LINGO2: variants seen among roughly 807,000 people sequenced by gnomAD.
LINGO2 encodes the protein leucine rich repeat and Ig domain containing 2.
Under a neutral mutation model 30.6 loss-of-function variants are expected in LINGO2, and 14 were observed. The ratio of observed to expected loss-of-function variants is 0.46; its 90% CI spans 0.30 to 0.72. The LOEUF (loss-of-function observed/expected upper bound fraction) is 0.72. Ranked by LOEUF, LINGO2 falls within the 30% of genes least tolerant of loss-of-function variation. The probability of loss-of-function intolerance (pLI) is 0.07; values close to 1 mark genes in which losing one functional copy is unlikely to be tolerated. For synonymous variants in LINGO2, 317 were observed against 288.5 expected, an observed-to-expected ratio of 1.10 and a Z score of -1.00; for missense variants, 729 against 751.7, an observed-to-expected ratio of 0.97 and a Z score of 0.35.
the LINGO2 span, among the ~76,000 whole-genome samples, chr9:28,840,477 T>C: frequency 6.6e-6 from 1 of 151,984 alleles, no homozygotes; most frequent in South Asian, 2.1e-4. Context: ...TTCTATGACA[T>C]AACAACATCC....
chr9:28,290,754 T>A (rs1277257764), intron 4 of LINGO2, among the ~76,000 whole-genome samples: 1 of 152,182 alleles, frequency 6.6e-6, no homozygotes, highest in Non-Finnish European at 1.5e-5. Flanking sequence ...TCTTTGATAC[T>A]TTATTTTTTT....
the LINGO2 span, among the ~76,000 whole-genome samples, chr9:29,211,623 C>T: frequency 6.6e-6 from 1 of 151,986 alleles, no homozygotes; most frequent in Non-Finnish European, 1.5e-5. Flanking sequence ...ATTTCAGCAG[C>T]TTTCCTCAGT....
intron 1 of LINGO2, among the ~76,000 whole-genome samples, chr9:28,619,198 C>A (rs1826281466): frequency 6.6e-6 from 1 of 152,104 alleles, no homozygotes. Context: ...GCATTTTAAG[C>A]TAACCTGAAT....
the LINGO2 span, among the ~76,000 whole-genome samples, chr9:28,883,628 G>GTGTATGTATATATATATATA: frequency 1.6e-5 from 1 of 64,178 alleles, no homozygotes; most frequent in East Asian, 5.1e-4. Flanking sequence ...ATGTGTGTGT[G>GTGTATGTATATATATATATA]TATATATATA....
chr9:28,273,578 G>A (rs1480371604), intron 4 of LINGO2, among the ~76,000 whole-genome samples: 2 of 152,160 alleles, frequency 1.3e-5, no homozygotes, highest in African/African-American at 4.8e-5. Context: ...CCAGGGGAAG[G>A]AGAACCCTAG....
chr9:28,978,962 A>G, the LINGO2 span, among the ~76,000 whole-genome samples: 1 of 152,234 alleles, frequency 6.6e-6, no homozygotes, highest in Admixed American at 6.5e-5. Context: ...CATTTAAATG[A>G]GGGTATAGGA....
At chr9:28,821,909 G>A in the LINGO2 span, among the ~76,000 whole-genome samples, 1 of 152,104 alleles carries the variant, frequency 6.6e-6, no homozygotes, top group Non-Finnish European at 1.5e-5. Flanking sequence ...GTTGGAGAGT[G>A]GGAGACAATG....
chr9:27,956,495 T>C (rs1258093577), intron 5 of LINGO2, among the ~76,000 whole-genome samples: 1 of 152,214 alleles, frequency 6.6e-6, no homozygotes, highest in Non-Finnish European at 1.5e-5. Context: ...TGCTCATCTA[T>C]GGTTTACCTT....
the LINGO2 span, among the ~76,000 whole-genome samples, chr9:29,044,896 T>C: frequency 3.9e-5 from 6 of 152,032 alleles, no homozygotes; most frequent in African/African-American, 1.4e-4. Context: ...ATAACAATAA[T>C]AATAAAATGG....
chr9:28,187,140 A>T (rs887731901), intron 4 of LINGO2, among the ~76,000 whole-genome samples: 4 of 152,118 alleles, frequency 2.6e-5, no homozygotes, highest in African/African-American at 9.7e-5. Context: ...GAAGTAAGAA[A>T]ATGTGGGTAT....
rs1189734024 is a variant in LINGO2, at chr9:28,138,690, A to G, written c.-86-126285T>C. On this transcript the variant is annotated intron_variant, in intron 4 of 5. Transcript: ENST00000379992. ...TTGTCCTTAGGCCTCCTTTAAGAAC[A>G]TCATATAAAACCTTACTAATGCTAA... Among the ~76,000 whole-genome samples, 5 of 152,344 alleles carry G rather than the reference A, an allele frequency of 3.3e-5. No homozygotes were observed. In the East Asian group the frequency reaches 9.6e-4, roughly 29 times the overall value.
At chr9:28,635,655 T>C (rs1229472408) in intron 1 of LINGO2, among the ~76,000 whole-genome samples, 1 of 152,144 alleles carries the variant, frequency 6.6e-6, no homozygotes, top group Non-Finnish European at 1.5e-5. Context: ...AGGTTTAATT[T>C]GGGTTTAAAA....
the LINGO2 span, among the ~76,000 whole-genome samples, chr9:28,759,455 G>A: frequency 1.3e-5 from 2 of 151,908 alleles, no homozygotes; most frequent in African/African-American, 2.4e-5. Context: ...GGACGAGGCG[G>A]GTGGATCACA....
chr9:28,318,514 CA>C (rs1375897291), intron 3 of LINGO2, among the ~76,000 whole-genome samples: 1 of 152,094 alleles, frequency 6.6e-6, no homozygotes, highest in Non-Finnish European at 1.5e-5. Flanking sequence ...ATAGCATGCA[CA>C]AAGTCACTTG....
At chr9:27,953,841 T>C (rs925966294) in intron 5 of LINGO2, among the ~76,000 whole-genome samples, 6 of 152,138 alleles carry the variant, frequency 3.9e-5, no homozygotes, top group African/African-American at 7.2e-5. Context: ...TGAAATGATA[T>C]ATGCTGTACT....
At chr9:28,869,644 C>G in the LINGO2 span, among the ~76,000 whole-genome samples, 2 of 151,950 alleles carry the variant, frequency 1.3e-5, no homozygotes, top group Non-Finnish European at 2.9e-5. Flanking sequence ...GAAGAAGACA[C>G]AAGATGCATG....
the LINGO2 span, among the ~76,000 whole-genome samples, chr9:29,181,234 T>C: frequency 3.9e-5 from 6 of 152,192 alleles, no homozygotes; most frequent in African/African-American, 7.2e-5. Context: ...AGTTTCCTTA[T>C]CTATGAAATA....
chr9:29,063,099 TTTTG>T, the LINGO2 span, among the ~76,000 whole-genome samples: 6 of 152,096 alleles, frequency 3.9e-5, no homozygotes, highest in African/African-American at 7.2e-5. Flanking sequence ...TAGAAAGGTT[TTTTG>T]TTTGTTTATT....
intron 1 of LINGO2, among the ~76,000 whole-genome samples, chr9:28,638,440 G>A (rs1172315074): frequency 9.9e-5 from 15 of 152,004 alleles, no homozygotes; most frequent in Admixed American, 7.2e-4. Flanking sequence ...CTGTGAATCC[G>A]TCTGGTCCTG....
Sources: allele counts gnomAD v4.1 joint callset (sites outside exome capture counted in the v4.1 genomes callset), GRCh38; gene constraint gnomAD v4.1.1; transcripts MANE v1.5; gene names NCBI Gene and HGNC (gene_info 2026-07-23, HGNC 2026-07-21).